Variants in NLGN4X observed in about 807,000 individuals in gnomAD.
NLGN4X encodes the protein neuroligin-4, X-linked.
Under a neutral mutation model 40.3 loss-of-function variants are expected in NLGN4X, and 3 were observed. The observed-to-expected ratio is 0.07, with a 90% CI of 0.03 to 0.19. The LOEUF (loss-of-function observed/expected upper bound fraction) is 0.19, where lower values mean the gene tolerates loss of function less well. Among genes scored for constraint, NLGN4X ranks in the 10% least tolerant of loss-of-function variants. The pLI, the probability that NLGN4X is intolerant of heterozygous loss-of-function variation, is 1.00. For missense variants in NLGN4X, 382 were observed against 708.3 expected (o/e 0.54, Z 5.23); for synonymous variants, 270 against 306.8 (o/e 0.88, Z 1.25).
chrX:6,197,942 G>C (rs1319897252), intron 1 of NLGN4X, among the ~76,000 whole-genome samples: 1 of 109,665 alleles, frequency 9.1e-6, no homozygotes, highest in Non-Finnish European at 1.9e-5. Flanking sequence ...GTGCACGCCT[G>C]TAGTCCCAGC....
chrX:6,178,074 T>G (rs1348591656), intron 1 of NLGN4X, among the ~76,000 whole-genome samples: 1 of 109,105 alleles, frequency 9.2e-6, no homozygotes, highest in Non-Finnish European at 1.9e-5. Context: ...TGTCTGTTGT[T>G]TATAAGCTAC....
intron 3 of NLGN4X, among the ~76,000 whole-genome samples, chrX:5,969,725 G>A (rs867904391): frequency 5.4e-5 from 6 of 110,388 alleles, no homozygotes; most frequent in Non-Finnish European, 7.6e-5. Context: ...ACATGCACAC[G>A]TATGTTTATT....
chrX:6,200,642 C>T (rs112718451), intron 1 of NLGN4X, among the ~76,000 whole-genome samples: 10,408 of 106,912 alleles, frequency 0.097, 470 homozygotes, highest in South Asian at 0.16. Flanking sequence ...TTTCTAAATA[C>T]CTGTTTTAAA....
chrX:6,217,499 CAT>C (rs1360250849), intron 1 of NLGN4X, among the ~76,000 whole-genome samples: 1 of 111,917 alleles, frequency 8.9e-6, no homozygotes, highest in Non-Finnish European at 1.9e-5. Context: ...CAGACTGAAT[CAT>C]AGTACACAAC....
intron 1 of NLGN4X, among the ~76,000 whole-genome samples, chrX:6,170,452 T>A (rs755066929): frequency 1.8e-5 from 2 of 112,487 alleles, no homozygotes; most frequent in African/African-American, 6.4e-5. Context: ...GTGATTCCAA[T>A]GGGCAGGTAC....
At position 5,989,820 on chromosome X, in the gene NLGN4X, T is replaced by C. The variant is rs143764431; in HGVS notation, c.625+39460A>G. ...TCAAGCTGTGGACAGTACCAAACTCTATATATGCAATGTTTTTTCCTATAC... is the reference window on the plus strand; with the variant it reads ...TCAAGCTGTGGACAGTACCAAACTCCATATATGCAATGTTTTTTCCTATAC... On this transcript the variant is annotated intron_variant, in intron 3 of 5. Coordinates refer to ENST00000381095, the MANE Select transcript of NLGN4X (RefSeq NM_181332.3). Among the ~76,000 whole-genome samples, 5 of 111,763 alleles carry C rather than the reference T, an allele frequency of 4.5e-5. No individual in the cohort carries two copies. The East Asian group carries it at 1.4e-3, about 31-fold the overall frequency.
At chrX:6,033,351 T>C (rs2036921033) in intron 2 of NLGN4X, among the ~76,000 whole-genome samples, 1 of 112,083 alleles carries the variant, frequency 8.9e-6, no homozygotes, top group South Asian at 3.7e-4. Context: ...CTAATTTAAA[T>C]CACTAAGATT....
chrX:6,151,538 G>A lies in NLGN4X; in HGVS notation c.-72C>T. The A allele has an allele frequency of 1.1e-6, 1 of 932,662 alleles. No individual in the cohort carries two copies. Among genetic ancestry groups the A allele is most frequent in the Non-Finnish European group, 1.5e-6 (1 of 648,466 alleles). The allele number at this position is 932,662 out of a possible 1,213,427, so 76.9% of individuals were successfully genotyped here. Reference sequence around the variant, plus strand: ...CCAAGGAGACAAAGCCCAGAGGCGAGCCTGCAGAGAGATAGGGCTTTCCAG... The same window carrying A: ...CCAAGGAGACAAAGCCCAGAGGCGAACCTGCAGAGAGATAGGGCTTTCCAG... On this transcript the variant is annotated 5_prime_UTR_variant, in exon 2 of 6. Coordinates refer to ENST00000381095, the MANE Select transcript of NLGN4X (RefSeq NM_181332.3).
chrX:6,129,735 T>C (rs1050067203), intron 2 of NLGN4X, among the ~76,000 whole-genome samples: 11 of 110,713 alleles, frequency 9.9e-5, no homozygotes, highest in African/African-American at 2.3e-4. Context: ...CAGGTGGGAA[T>C]TGAAGAAGCC....
At chrX:5,973,255 C>CCA (rs1342623743) in intron 3 of NLGN4X, among the ~76,000 whole-genome samples, 1 of 112,290 alleles carries the variant, frequency 8.9e-6, no homozygotes, top group East Asian at 2.8e-4. Context: ...TGGAAGAGAG[C>CCA]CACACCACTC....
At chrX:5,901,102 T>C (rs2031834488) in intron 5 of NLGN4X, among the ~76,000 whole-genome samples, 2 of 111,894 alleles carry the variant, frequency 1.8e-5, no homozygotes, top group African/African-American at 3.3e-5. Context: ...TGAAAGGTGG[T>C]ATCCAGGTGA....
At chrX:5,941,180 GGT>G (rs3220455) in intron 3 of NLGN4X, among the ~76,000 whole-genome samples, 787 of 58,595 alleles carry the variant, frequency 0.013, 29 homozygotes, top group East Asian at 0.026. Flanking sequence ...TATGCTAGGG[GGT>G]GTGTGTGTGT....
chrX:5,979,752 A>G (rs775457084), intron 3 of NLGN4X, among the ~76,000 whole-genome samples: 2 of 99,320 alleles, frequency 2.0e-5, no homozygotes, highest in Non-Finnish European at 3.9e-5. Context: ...ACATACATAT[A>G]TATGTGTATA....
intron 1 of NLGN4X, among the ~76,000 whole-genome samples, chrX:6,217,441 A>G (rs1925181087): frequency 9.0e-6 from 1 of 111,387 alleles, no homozygotes; most frequent in African/African-American, 3.3e-5. Context: ...ATCAATTGAG[A>G]TATCAAATAA....
chrX:5,907,512 G>A (rs1032445635), intron 4 of NLGN4X, among the ~76,000 whole-genome samples: 41 of 111,933 alleles, frequency 3.7e-4, no homozygotes, highest in African/African-American at 1.2e-3. Context: ...CTGCTTAGGC[G>A]TCCAAGTGCA....
At chrX:5,978,332 CTTTCT>C (rs372136322) in intron 3 of NLGN4X, among the ~76,000 whole-genome samples, 1 of 37,104 alleles carries the variant, frequency 2.7e-5, no homozygotes, top group Non-Finnish European at 4.5e-5. Flanking sequence ...TTCTTTCTTT[CTTTCT>C]TTCTTTCCCT....
intron 3 of NLGN4X, among the ~76,000 whole-genome samples, chrX:5,964,670 C>T (rs1478207567): frequency 9.4e-6 from 1 of 105,911 alleles, no homozygotes; most frequent in Non-Finnish European, 1.9e-5. Flanking sequence ...CCATGACTGG[C>T]TAATTTTTTC....
intron 3 of NLGN4X, among the ~76,000 whole-genome samples, chrX:5,934,273 G>T (rs1044677233): frequency 9.0e-6 from 1 of 111,605 alleles, no homozygotes; most frequent in Admixed American, 9.6e-5. Context: ...AGTTCATTGT[G>T]TGTGCTTATA....
chrX:6,077,270 T>TGTGTG (rs756129730), intron 2 of NLGN4X, among the ~76,000 whole-genome samples: 376 of 78,188 alleles, frequency 4.8e-3, no homozygotes, highest in African/African-American at 0.014. Flanking sequence ...AAATTTTATT[T>TGTGTG]TGTGTGTGTG....
Sources: allele counts gnomAD v4.1 joint callset (sites outside exome capture counted in the v4.1 genomes callset), GRCh38; gene constraint gnomAD v4.1.1; transcripts MANE v1.5; gene names NCBI Gene and HGNC (gene_info 2026-07-23, HGNC 2026-07-21).